TULP4: variants seen among roughly 807,000 people sequenced by gnomAD.
TULP4 encodes tubby-related protein 4.
Under a neutral mutation model 129.0 loss-of-function variants are expected in TULP4, and 16 were observed. The ratio of observed to expected loss-of-function variants is 0.12; its 90% CI spans 0.08 to 0.19. The LOEUF (loss-of-function observed/expected upper bound fraction) is 0.19, where lower values mean the gene tolerates loss of function less well. TULP4 is among the 10% of genes least tolerant of loss of function. The probability of loss-of-function intolerance (pLI) is 1.00; values close to 1 mark genes in which losing one functional copy is unlikely to be tolerated. For missense variants in TULP4, 1,842 were observed against 2,059.1 expected (o/e 0.89, Z 2.04); for synonymous variants, 998 against 854.0 (o/e 1.17, Z -2.94).
intron 1 of TULP4, among the ~76,000 whole-genome samples, chr6:158,357,782 T>C (rs933913238): frequency 1.9e-4 from 29 of 152,244 alleles, no homozygotes; most frequent in African/African-American, 6.8e-4. Context: ...AATTTTCACT[T>C]TCATCTTTGC....
chr6:158,464,304 A>C (rs1779507404), intron 6 of TULP4, among the ~76,000 whole-genome samples: 1 of 152,234 alleles, frequency 6.6e-6, no homozygotes, highest in African/African-American at 2.4e-5. Context: ...GTGGAAAGAT[A>C]GGACATCTTG....
rs1156890059 is a variant in TULP4, at chr6:158,313,984, AC to A, written c.-32del. 1 of 1,602,024 alleles carries A rather than the reference AC, an allele frequency of 6.2e-7. No individual in the cohort carries two copies. Among genetic ancestry groups the A allele is most frequent in the Non-Finnish European group, 8.5e-7 (1 of 1,171,856 alleles). ...GTTTAAATTTCACAGCATTAACATTACTTTTTAAGTAAAACAGTTCATTGAA... is the reference window on the plus strand; with the variant it reads ...GTTTAAATTTCACAGCATTAACATTATTTTTAAGTAAAACAGTTCATTGAA... On this transcript the variant is annotated 5_prime_UTR_variant, in exon 1 of 14. It removes the in-frame stop codon of an upstream open reading frame in the 5' UTR. Transcript: ENST00000367097.
At chr6:158,458,678 T>C (rs1207305388) in intron 5 of TULP4, among the ~76,000 whole-genome samples, 3 of 152,224 alleles carry the variant, frequency 2.0e-5, no homozygotes, top group Admixed American at 6.5e-5. Context: ...AAAAGTTCTG[T>C]CCTGACTATA....
chr6:158,425,124 A>G (rs1041611697), intron 2 of TULP4, among the ~76,000 whole-genome samples: 2 of 125,846 alleles, frequency 1.6e-5, no homozygotes, highest in Admixed American at 1.0e-4. Flanking sequence ...ACTGGACTCC[A>G]GCCTGGGTGG....
intron 2 of TULP4, among the ~76,000 whole-genome samples, chr6:158,425,018 G>A (rs1778443792): frequency 1.3e-5 from 2 of 151,792 alleles, no homozygotes; most frequent in Middle Eastern, 6.8e-3. Context: ...GCCGGGCGTG[G>A]TGGTGGGCGC....
intron 1 of TULP4, among the ~76,000 whole-genome samples, chr6:158,318,965 C>T (rs1243457935): frequency 6.8e-6 from 1 of 147,590 alleles, no homozygotes; most frequent in Non-Finnish European, 1.5e-5. Context: ...AGGCTGGTCT[C>T]AAACTCCTAA....
intron 1 of TULP4, among the ~76,000 whole-genome samples, chr6:158,252,139 G>A (rs1306788225): frequency 6.6e-6 from 1 of 152,084 alleles, no homozygotes; most frequent in African/African-American, 2.4e-5. Context: ...TTAAGTTTAT[G>A]GAGTTTACTG....
rs564254313 is a variant in TULP4 at position 158,314,210 on chromosome 6, G to A, written c.194G>A (p.Arg65His). The change falls in exon 1 of 14, where the codon CGC (arginine) becomes CAC (histidine). Residue 65 changes from arginine (R) to histidine (H), a missense_variant. By Grantham distance (29) the Arg-to-His change is conservative. Coordinates refer to ENST00000367097, the MANE Select transcript of TULP4 (RefSeq NM_020245.5). ...GTGACTTTCACCTCTAGTCACTGTC[G>A]CAGGGACAGGAGTACTCCACAGAGG... ...VGVTFTSSHC[R>H]RDRSTPQRIN... 1.1e-5 allele frequency: 17 copies of A among 1,614,044 alleles called. No individual in the cohort carries two copies. Among genetic ancestry groups the A allele is most frequent in the Admixed American group, 1.7e-5 (1 of 60,014 alleles).
At position 158,330,896 on chromosome 6, in the gene TULP4, T is replaced by C. The variant is rs190336421; in HGVS notation, c.252+16628T>C. Among the ~76,000 whole-genome samples the C allele has an allele frequency of 1.3e-3, 194 of 152,328 alleles. 3 individuals are homozygous for C. The highest frequency in any genetic ancestry group is 4.2e-3 in the African/African-American group (176 of 41,564). Reference sequence around the variant, plus strand: ...TAATAGAATGTTTGGTATTTTGTGTTTTTTTCCCTTTTTTCTTTTGTTTTT... The same window carrying C: ...TAATAGAATGTTTGGTATTTTGTGTCTTTTTCCCTTTTTTCTTTTGTTTTT... On this transcript the variant is annotated intron_variant, in intron 1 of 13. Transcript: ENST00000367097.
chr6:158,313,442 A>C lies in TULP4; in HGVS notation c.-575A>C, dbSNP rs1244309552. ...CAATCTTTTTCAGCTTTAGCAGCAG[A>C]AATTTGTCTAGTTCAGGAAACATGC... On this transcript the variant is annotated 5_prime_UTR_variant, in exon 1 of 14. Transcript: ENST00000367097. 2 of 398,906 alleles carry C rather than the reference A, an allele frequency of 5.0e-6. No individual in the cohort carries two copies. Among genetic ancestry groups the C allele is most frequent in the Non-Finnish European group, 8.8e-6 (2 of 226,422 alleles). The allele number at this position is 398,906 out of a possible 1,614,324, so 24.7% of individuals were successfully genotyped here.
Position 158,443,293 on chromosome 6 carries a change from T to G in TULP4, c.544-5703T>G, listed in dbSNP as rs187700763. On this transcript the variant is annotated intron_variant, in intron 3 of 13. Transcript: ENST00000367097. ...CACCGCACCCAGCCAATTTTTGCAT[T>G]TTTAGTAGAGATGGGGTTTCACCAT... Among the ~76,000 whole-genome samples the G allele has an allele frequency of 2.0e-4, 31 of 152,102 alleles. No individual in the cohort carries two copies. In the East Asian group the frequency reaches 5.8e-3, roughly 28 times the overall value.
chr6:158,343,492 G>T (rs1479691921), intron 1 of TULP4, among the ~76,000 whole-genome samples: 1 of 152,180 alleles, frequency 6.6e-6, no homozygotes, highest in African/African-American at 2.4e-5. Flanking sequence ...TTTGGGAAGT[G>T]ATTTGGGTCA....
chr6:158,303,437 G>A lies in TULP4; in HGVS notation n.117-8614G>A, dbSNP rs1487168362. On this transcript the variant is annotated intron_variant and non_coding_transcript_variant, in intron 1 of 1. Coordinates refer to the TULP4 transcript ENST00000432358. Reference sequence around the variant, plus strand: ...AAAAGGGGAGGGGTTGTAAGAACAGGGAGTAGGTACAAAGATCACATGCTT... The same window carrying A: ...AAAAGGGGAGGGGTTGTAAGAACAGAGAGTAGGTACAAAGATCACATGCTT... Among the ~76,000 whole-genome samples, 8 of 152,156 alleles carry A rather than the reference G, an allele frequency of 5.3e-5. No homozygotes were observed. The East Asian group carries it at 1.4e-3, about 26-fold the overall frequency.
chr6:158,274,425 G>A (rs1778603467), intron 1 of TULP4, among the ~76,000 whole-genome samples: 1 of 152,222 alleles, frequency 6.6e-6, no homozygotes, highest in East Asian at 1.9e-4. Flanking sequence ...CCTTCACTCT[G>A]TCCTCTTCCA....
At chr6:158,259,105 C>T (rs1168138373) in intron 1 of TULP4, among the ~76,000 whole-genome samples, 1 of 152,180 alleles carries the variant, frequency 6.6e-6, no homozygotes, top group African/African-American at 2.4e-5. Flanking sequence ...TGGTGCGTGC[C>T]TGTAATCCCA....
At chr6:158,435,383 C>T (rs920931377) in intron 3 of TULP4, among the ~76,000 whole-genome samples, 2 of 152,152 alleles carry the variant, frequency 1.3e-5, no homozygotes, top group African/African-American at 4.8e-5. Flanking sequence ...CCTGGTGCTT[C>T]CATCCTCTGC....
intron 6 of TULP4, among the ~76,000 whole-genome samples, chr6:158,471,422 A>G (rs986003557): frequency 2.0e-5 from 3 of 152,252 alleles, no homozygotes; most frequent in African/African-American, 7.2e-5. Flanking sequence ...AATCTAGGAA[A>G]CTGCTAAGGA....
chr6:158,492,836 T>G (rs1780247405), intron 9 of TULP4, among the ~76,000 whole-genome samples: 1 of 152,224 alleles, frequency 6.6e-6, no homozygotes, highest in Non-Finnish European at 1.5e-5. Context: ...TGGGGTAGAC[T>G]GTCATTAAAC....
At chr6:158,286,181 A>G (rs1341106710) in intron 1 of TULP4, among the ~76,000 whole-genome samples, 1 of 152,244 alleles carries the variant, frequency 6.6e-6, no homozygotes, top group Non-Finnish European at 1.5e-5. Context: ...AGAACTTGAA[A>G]TTGTAAGTTA....
Sources: gnomAD v4.1 joint callset for allele counts (sites outside exome capture counted in the v4.1 genomes callset) on GRCh38, gnomAD v4.1.1 for gene constraint, MANE v1.5 for transcripts, NCBI Gene and HGNC (gene_info 2026-07-23, HGNC 2026-07-21) for gene names.